MAN1A1: variants seen among roughly 807,000 people sequenced by gnomAD.
MAN1A1 encodes the protein mannosyl-oligosaccharide 1,2-alpha-mannosidase IA.
MAN1A1 carries 29 observed loss-of-function variants against 70.8 expected under a neutral mutation model. That is an observed-to-expected ratio of 0.41 (90% CI 0.31 to 0.56). The LOEUF (loss-of-function observed/expected upper bound fraction) is 0.56, where lower values mean the gene tolerates loss of function less well. MAN1A1 is among the 20% of genes least tolerant of loss of function. The pLI, the probability that MAN1A1 is intolerant of heterozygous loss-of-function variation, is 0.29. For missense variants in MAN1A1, 747 were observed against 841.3 expected, an observed-to-expected ratio of 0.89 and a Z score of 1.39; for synonymous variants, 349 against 330.1, an observed-to-expected ratio of 1.06 and a Z score of -0.62.
intron 11 of MAN1A1, among the ~76,000 whole-genome samples, chr6:119,184,133 C>G (rs929206904): frequency 6.6e-6 from 1 of 152,184 alleles, no homozygotes; most frequent in Middle Eastern, 3.4e-3. Flanking sequence ...TTACAACAGC[C>G]CTGATTCTAT....
intron 6 of MAN1A1, among the ~76,000 whole-genome samples, chr6:119,211,640 A>G (rs528619680): frequency 7.2e-5 from 11 of 152,300 alleles, no homozygotes; most frequent in Non-Finnish European, 1.5e-4. Context: ...CCCATGATTT[A>G]CCATCACAAA....
chr6:119,258,530 C>T (rs953330039), intron 5 of MAN1A1, among the ~76,000 whole-genome samples: 1 of 152,144 alleles, frequency 6.6e-6, no homozygotes, highest in Non-Finnish European at 1.5e-5. Context: ...TATGCAAATA[C>T]TGTACCATTT....
intron 7 of MAN1A1, among the ~76,000 whole-genome samples, chr6:119,201,796 A>C (rs763426297): frequency 6.6e-6 from 1 of 152,218 alleles, no homozygotes; most frequent in Non-Finnish European, 1.5e-5. Flanking sequence ...ACTGTACTGA[A>C]GTATTTGTGT....
At position 119,349,702 on chromosome 6, in the gene MAN1A1, G is replaced by T; in HGVS notation, c.-383C>A. 2 of 985,838 alleles carry T rather than the reference G, an allele frequency of 2.0e-6. No individual in the cohort carries two copies. The highest frequency in any genetic ancestry group is 2.4e-6 in the Non-Finnish European group (2 of 830,056). 61.1% of individuals were successfully genotyped at this position (985,838 alleles called of 1,614,324 possible). ...CTCAGGTGGGCGAGCGCGCCGACCT[G>T]CGGGCGAATGGCAGCGAGTAGAGCA... On this transcript the variant is annotated 5_prime_UTR_variant, in exon 1 of 13. Transcript: ENST00000368468.
chr6:119,322,064 A>G (rs543950850), intron 2 of MAN1A1, among the ~76,000 whole-genome samples: 1 of 152,304 alleles, frequency 6.6e-6, no homozygotes, highest in East Asian at 1.9e-4. Flanking sequence ...TAAGAGATTC[A>G]GTTGGGCAGC....
chr6:119,341,128 G>A (rs1773584964), intron 2 of MAN1A1, among the ~76,000 whole-genome samples: 2 of 152,150 alleles, frequency 1.3e-5, no homozygotes. Context: ...ACTTTTAAAT[G>A]CTCTTAAGCC....
At chr6:119,187,369 G>A (rs1001147607) in intron 11 of MAN1A1, among the ~76,000 whole-genome samples, 2 of 151,948 alleles carry the variant, frequency 1.3e-5, no homozygotes, top group Non-Finnish European at 2.9e-5. Flanking sequence ...ATTTTCTCCA[G>A]AGGAAAAAAA....
intron 5 of MAN1A1, among the ~76,000 whole-genome samples, chr6:119,277,974 T>TAAAG (rs1562222576): frequency 1.1e-5 from 1 of 92,940 alleles, no homozygotes; most frequent in Admixed American, 1.1e-4. Context: ...AATAAATAAA[T>TAAAG]AAATAAATAA....
At position 119,177,246 on chromosome 6, in the gene MAN1A1, C is replaced by T. The variant is rs1562177512; in HGVS notation, c.*2573G>A. On this transcript the variant is annotated 3_prime_UTR_variant, in exon 13 of 13. Coordinates refer to ENST00000368468, the MANE Select transcript of MAN1A1 (RefSeq NM_005907.4). ...CTTTATTCACAATAGAGAAATTTTA[C>T]AAATATAATTTTTAAAAATTATGTG... 2 of 151,954 alleles carry T rather than the reference C, an allele frequency of 1.3e-5. No homozygotes were observed. Among genetic ancestry groups the T allele is most frequent in the African/African-American group, 2.4e-5 (1 of 41,398 alleles). The allele number at this position is 151,954 out of a possible 1,614,324, so 9.4% of individuals were successfully genotyped here.
intron 7 of MAN1A1, among the ~76,000 whole-genome samples, chr6:119,204,490 C>G (rs1773803776): frequency 6.6e-6 from 1 of 152,110 alleles, no homozygotes; most frequent in African/African-American, 2.4e-5. Flanking sequence ...GATAAGGAAA[C>G]AAACTTCAGA....
chr6:119,331,062 C>T (rs1407113238), intron 2 of MAN1A1, among the ~76,000 whole-genome samples: 2 of 151,988 alleles, frequency 1.3e-5, no homozygotes, highest in Non-Finnish European at 2.9e-5. Flanking sequence ...GGAAGTGATT[C>T]TTAATCTGAT....
chr6:119,272,616 C>A (rs886197150), intron 5 of MAN1A1, among the ~76,000 whole-genome samples: 1 of 152,082 alleles, frequency 6.6e-6, no homozygotes, highest in Non-Finnish European at 1.5e-5. Context: ...ATACACTTAT[C>A]ACAAATAATT....
At chr6:119,331,598 T>TATATATAA (rs1491119267) in intron 2 of MAN1A1, among the ~76,000 whole-genome samples, 5 of 142,500 alleles carry the variant, frequency 3.5e-5, no homozygotes, top group Non-Finnish European at 6.1e-5. Context: ...TATATATATA[T>TATATATAA]AATCAAGGGG....
rs1362342023 is a variant in MAN1A1, at chr6:119,177,587, T to C, written c.*2232A>G. 6.6e-6 allele frequency: 1 copy of C among 152,120 alleles called. No homozygotes were observed. Among genetic ancestry groups the C allele is most frequent in the Non-Finnish European group, 1.5e-5 (1 of 67,940 alleles). The allele number at this position is 152,120 out of a possible 1,614,324, so 9.4% of individuals were successfully genotyped here. A position where few individuals can be genotyped will look rare whatever the true frequency, so the allele number is the denominator to read the frequency against. ...ATAAGTTTCAACAATAAGACTTCAG[T>C]TGTTAAAATTAACCCAAAATATAAC... On this transcript the variant is annotated 3_prime_UTR_variant, in exon 13 of 13. Coordinates refer to ENST00000368468, the MANE Select transcript of MAN1A1 (RefSeq NM_005907.4).
At chr6:119,263,156 C>T (rs1056830507) in intron 5 of MAN1A1, among the ~76,000 whole-genome samples, 2 of 151,852 alleles carry the variant, frequency 1.3e-5, no homozygotes, top group Non-Finnish European at 2.9e-5. Context: ...TATTGTGGGA[C>T]CTTGTGATCG....
intron 7 of MAN1A1, 99 bp downstream of exon 7, chr6:119,204,660 G>A (rs150676537): frequency 7.0e-7 from 1 of 1,425,696 alleles, no homozygotes. Context: ...AACAAATTTG[G>A]TTATTATTTC....
chr6:119,341,891 G>GGACT (rs1265710776), intron 2 of MAN1A1, among the ~76,000 whole-genome samples: 3 of 152,154 alleles, frequency 2.0e-5, no homozygotes, highest in Non-Finnish European at 4.4e-5. Context: ...CGAGGTGGGA[G>GGACT]GACTGCTTCA....
Position 119,348,960 on chromosome 6 carries a change from GGGC to G in MAN1A1, c.103_105del (p.Ala35del). 1 of 1,523,342 alleles carries G rather than the reference GGGC, an allele frequency of 6.6e-7. No individual in the cohort carries two copies. The highest frequency in any genetic ancestry group is 8.8e-7 in the Non-Finnish European group (1 of 1,134,850). 94.4% of individuals were successfully genotyped at this position (1,523,342 alleles called of 1,614,324 possible). A position where few individuals can be genotyped will look rare whatever the true frequency, so the allele number is the denominator to read the frequency against. ...AGCACGAACTTCTCCGTCAGGCGGAGGGCGGCGGGGCCCGACCCCTTCCTGCCA... is the reference window on the plus strand; with the variant it reads ...AGCACGAACTTCTCCGTCAGGCGGAGGGCGGGGCCCGACCCCTTCCTGCCA... On this transcript the variant is annotated inframe_deletion, in exon 2 of 13. Transcript: ENST00000368468.
intron 6 of MAN1A1, among the ~76,000 whole-genome samples, chr6:119,242,230 G>T (rs997877003): frequency 1.3e-5 from 2 of 151,988 alleles, no homozygotes; most frequent in African/African-American, 2.4e-5. Context: ...GGATTGCCTC[G>T]CATCCTTTTA....
Sources: gnomAD v4.1 joint callset for allele counts (sites outside exome capture counted in the v4.1 genomes callset) on GRCh38, gnomAD v4.1.1 for gene constraint, MANE v1.5 for transcripts, NCBI Gene and HGNC (gene_info 2026-07-23, HGNC 2026-07-21) for gene names.